The following TMEM232 variants were observed in gnomAD, a reference collection of about 807,000 sequenced individuals.
The protein encoded by TMEM232 is transmembrane protein 232.
TMEM232 carries 80 observed loss-of-function variants against 78.8 expected under a neutral mutation model. The ratio of observed to expected loss-of-function variants is 1.01; its 90% confidence interval spans 0.85 to 1.22. The LOEUF is 1.22. Among genes scored for constraint, TMEM232 ranks in the 50% most tolerant of loss-of-function variants. The pLI is 0.00. For synonymous variants in TMEM232, 297 were observed against 254.3 expected (o/e 1.17, Z -1.60); for missense variants, 881 against 742.2 (o/e 1.19, Z -2.17).
intron 10 of TMEM232, among the ~76,000 whole-genome samples, chr5:110,587,425 T>TACCGTGACTATTAAAACTTGCAG (rs1301219617): frequency 6.6e-6 from 1 of 152,010 alleles, no homozygotes; most frequent in Admixed American, 6.6e-5. Flanking sequence ...AAATTGCTAG[T>TACCGTGACTATTAAAACTTGCAG]ACCGTGACTA....
At chr5:110,665,391 C>G (rs141886012) in intron 2 of TMEM232, among the ~76,000 whole-genome samples, 1 of 152,020 alleles carries the variant, frequency 6.6e-6, no homozygotes, top group South Asian at 2.1e-4. Context: ...TATAAAGATA[C>G]GACTTGAGAC....
intron 1 of TMEM232, among the ~76,000 whole-genome samples, chr5:110,737,795 T>A (rs943917142): frequency 6.6e-6 from 1 of 152,218 alleles, no homozygotes; most frequent in Non-Finnish European, 1.5e-5. Flanking sequence ...GATTTGCCTT[T>A]CAATTGTGAT....
chr5:110,738,841 T>C (rs1580848552), upstream of TMEM232: 1 of 646,276 alleles, frequency 1.5e-6, no homozygotes, highest in Admixed American at 3.6e-5. Context: ...CTGTGTTTCA[T>C]TAATCCCACA....
intron 12 of TMEM232, among the ~76,000 whole-genome samples, chr5:110,455,202 CAATT>C (rs1760764863): frequency 2.0e-5 from 3 of 152,142 alleles, no homozygotes; most frequent in South Asian, 2.1e-4. Context: ...ATGAATATAA[CAATT>C]AATTCTTCCA....
intron 2 of TMEM232, among the ~76,000 whole-genome samples, chr5:110,732,157 A>G (rs1798730603): frequency 6.6e-6 from 1 of 152,200 alleles, no homozygotes; most frequent in African/African-American, 2.4e-5. Flanking sequence ...CCTCATATTC[A>G]TCTGAGACCA....
chr5:110,644,676 A>G (rs1214439785), intron 2 of TMEM232, among the ~76,000 whole-genome samples: 1 of 151,800 alleles, frequency 6.6e-6, no homozygotes, highest in African/African-American at 2.4e-5. Context: ...ATATCTGGAA[A>G]AAAACAGCTT....
intron 1 of TMEM232, among the ~76,000 whole-genome samples, chr5:110,694,099 G>T (rs79332250): frequency 3.5e-4 from 53 of 152,090 alleles, no homozygotes; most frequent in South Asian, 2.3e-3. Context: ...GACTAACAGC[G>T]GATCTCTCGG....
intron 11 of TMEM232, among the ~76,000 whole-genome samples, chr5:110,541,632 A>T (rs139204681): frequency 1.4e-4 from 21 of 152,178 alleles, no homozygotes; most frequent in African/African-American, 5.1e-4. Flanking sequence ...GGACTATCCA[A>T]ACTCTAAAGT....
intron 1 of TMEM232, among the ~76,000 whole-genome samples, chr5:110,687,157 G>C (rs1475757010): frequency 6.6e-6 from 1 of 152,092 alleles, no homozygotes; most frequent in African/African-American, 2.4e-5. Flanking sequence ...AGTTTGAATA[G>C]TGCTGCCTCA....
intron 12 of TMEM232, among the ~76,000 whole-genome samples, chr5:110,496,854 TACA>T (rs1361419419): frequency 1.3e-5 from 2 of 152,042 alleles, no homozygotes; most frequent in African/African-American, 4.8e-5. Context: ...GTCACTCAGC[TACA>T]CTAAGAAGAG....
Position 110,642,328 on chromosome 5 carries a change from G to T in TMEM232, c.169C>A (p.Gln57Lys), listed in dbSNP as rs1039548055. The T allele has an allele frequency of 1.4e-5, 22 of 1,537,002 alleles. No homozygotes were observed. Among genetic ancestry groups the T allele is most frequent in the Non-Finnish European group, 1.8e-5 (21 of 1,142,074 alleles). Reference protein sequence around the residue: ...ITKEFILRFNQTQNSKEKEEL... With the variant: ...ITKEFILRFNKTQNSKEKEEL... ...TCCTTCTCTTTGGAATTTTGTGTTT[G>T]ATTGAATCTCAAGATGAATTCTTTT... is the stretch of plus-strand genomic sequence containing the variant. The change falls in exon 3 of 14, where the codon CAA (glutamine) becomes AAA (lysine). Residue 57 changes from glutamine to lysine, a missense_variant. By Grantham distance (53) the Gln-to-Lys change is moderately conservative. Coordinates refer to ENST00000455884, the MANE Select transcript of TMEM232 (RefSeq NM_001039763.4).
chr5:110,609,264 T>C (rs527621073), intron 8 of TMEM232, among the ~76,000 whole-genome samples: 52 of 151,934 alleles, frequency 3.4e-4, no homozygotes, highest in Non-Finnish European at 6.0e-4. Flanking sequence ...TCACTAATAA[T>C]AGCAACTTAA....
intron 10 of TMEM232, among the ~76,000 whole-genome samples, chr5:110,594,635 C>A (rs1291414573): frequency 6.6e-6 from 1 of 152,150 alleles, no homozygotes; most frequent in Non-Finnish European, 1.5e-5. Flanking sequence ...GGGCTTCCGT[C>A]ATTACTGCAA....
upstream of TMEM232, among the ~76,000 whole-genome samples, chr5:110,728,914 C>A (rs1390122688): frequency 6.7e-6 from 1 of 149,206 alleles, no homozygotes; most frequent in African/African-American, 2.5e-5. Flanking sequence ...GATGAAGTCT[C>A]GCTTTTGTCC....
chr5:110,487,854 G>A (rs1251228017), intron 12 of TMEM232, among the ~76,000 whole-genome samples: 1 of 151,908 alleles, frequency 6.6e-6, no homozygotes, highest in Admixed American at 6.6e-5. Context: ...TCTCTATCTT[G>A]TGGAATAGCG....
chr5:110,499,762 T>C (rs1490971399), intron 12 of TMEM232, among the ~76,000 whole-genome samples: 1 of 152,050 alleles, frequency 6.6e-6, no homozygotes, highest in African/African-American at 2.4e-5. Flanking sequence ...TTTCAAGTGT[T>C]TGACAGAACA....
At chr5:110,727,117 T>C (rs1329658518), upstream of TMEM232, among the ~76,000 whole-genome samples, 2 of 152,214 alleles carry the variant, frequency 1.3e-5, no homozygotes, top group East Asian at 1.9e-4. Context: ...TGTTCTGCTA[T>C]GTACTAAACA....
At chr5:110,503,090 G>A (rs1447018824) in intron 12 of TMEM232, among the ~76,000 whole-genome samples, 1 of 150,688 alleles carries the variant, frequency 6.6e-6, no homozygotes, top group Admixed American at 6.6e-5. Flanking sequence ...GCCTACAGAA[G>A]AGATTTCAGT....
intron 2 of TMEM232, among the ~76,000 whole-genome samples, chr5:110,648,474 T>C (rs542184288): frequency 1.4e-4 from 21 of 152,198 alleles, no homozygotes; most frequent in African/African-American, 5.1e-4. Context: ...ACGTTTTTCA[T>C]AAGGGATAAA....
Sources: gnomAD v4.1 joint callset for allele counts (sites outside exome capture counted in the v4.1 genomes callset) on GRCh38, gnomAD v4.1.1 for gene constraint, MANE v1.5 for transcripts, NCBI Gene and HGNC (gene_info 2026-07-23, HGNC 2026-07-21) for gene names.